Variants in C1orf94 observed in about 807,000 individuals in gnomAD.
C1orf94 encodes the protein chromosome 1 open reading frame 94, also known as uncharacterized protein C1orf94.
Under a neutral mutation model 53.6 loss-of-function variants are expected in C1orf94, and 45 were observed. The ratio of observed to expected loss-of-function variants is 0.84; its 90% confidence interval spans 0.66 to 1.08. The LOEUF (loss-of-function observed/expected upper bound fraction) is 1.08, where lower values mean the gene tolerates loss of function less well. Ranked by LOEUF, C1orf94 falls within the 50% of genes least tolerant of loss-of-function variation. C1orf94 has a pLI of 0.00. For synonymous variants in C1orf94, 304 were observed against 296.1 expected (o/e 1.03, Z -0.27); for missense variants, 762 against 738.9 (o/e 1.03, Z -0.36).
Position 34,189,083 on chromosome 1 carries a change from T to A in C1orf94, c.321-8142T>A, listed in dbSNP as rs113731235. Among the ~76,000 whole-genome samples the A allele has an allele frequency of 5.8e-3, 876 of 152,074 alleles. 11 individuals carry two copies. Among genetic ancestry groups the A allele is most frequent in the African/African-American group, 0.021 (850 of 41,462 alleles). ...TGGTGTGTATGTGTACATGGGTGTGTGCATAGGTGTGCATGTGTATGCATG... is the reference window on the plus strand; with the variant it reads ...TGGTGTGTATGTGTACATGGGTGTGAGCATAGGTGTGCATGTGTATGCATG... On this transcript the variant is annotated intron_variant, in intron 1 of 6. Coordinates refer to ENST00000488417, the MANE Select transcript of C1orf94 (RefSeq NM_001134734.2).
Position 34,197,479 on chromosome 1 carries a change from C to T in C1orf94, c.575C>T (p.Pro192Leu), listed in dbSNP as rs139761914. ...DKLLKQKVAMPVISSRQDCDS... is the reference protein window; with the variant it reads ...DKLLKQKVAMLVISSRQDCDS... ...CTTCTGAAGCAGAAGGTGGCCATGC[C>T]CGTTATCAGCAGCAGGCAGGACTGT... Residue 192 changes from proline (P) to leucine (L), a missense_variant, in exon 2 of 7, where the codon CCC becomes CTC. Coordinates refer to ENST00000488417, the MANE Select transcript of C1orf94 (RefSeq NM_001134734.2). The surrounding 1 kb of genome is among the most constrained non-coding windows in gnomAD (Gnocchi z 4.1). 10 of 1,613,980 alleles carry T rather than the reference C, an allele frequency of 6.2e-6. No individual in the cohort carries two copies. In the African/African-American group the frequency reaches 1.3e-4, roughly 22 times the overall value.
At chr1:34,191,821 C>T (rs34196207) in intron 1 of C1orf94, among the ~76,000 whole-genome samples, 20,982 of 152,194 alleles carry the variant, frequency 0.14, 1,638 homozygotes, top group Middle Eastern at 0.24. Flanking sequence ...GAGCTAACAG[C>T]ATGCTTGCTT....
rs987958823 is a variant in C1orf94 at position 34,177,065 on chromosome 1, G to T, written c.-725G>T. Among the ~76,000 whole-genome samples the T allele has an allele frequency of 6.6e-6, 1 of 152,244 alleles. No homozygotes were observed. The highest frequency in any genetic ancestry group is 1.5e-5 in the Non-Finnish European group (1 of 68,036). On this transcript the variant is annotated 5_prime_UTR_variant, in exon 1 of 7. Coordinates refer to ENST00000488417, the MANE Select transcript of C1orf94 (RefSeq NM_001134734.2). Reference sequence around the variant, plus strand: ...CTTGAGCCGCTGGGCCCTTCCCGGTGCCCGCCTGGCAGCGCGGCGCGGCTG... The same window carrying T: ...CTTGAGCCGCTGGGCCCTTCCCGGTTCCCGCCTGGCAGCGCGGCGCGGCTG...
At chr1:34,203,263 A>G (rs1397738750) in intron 4 of C1orf94, among the ~76,000 whole-genome samples, 1 of 152,036 alleles carries the variant, frequency 6.6e-6, no homozygotes. Flanking sequence ...TCAGCCTCCC[A>G]AGTAGCTGGG....
chr1:34,196,638 G>C (rs187793046), intron 1 of C1orf94, among the ~76,000 whole-genome samples: 3 of 152,184 alleles, frequency 2.0e-5, no homozygotes, highest in Non-Finnish European at 4.4e-5. Context: ...CTAGTAATGA[G>C]AGGAGGAGAC....
At chr1:34,204,444 C>G (rs1159329441) in intron 4 of C1orf94, among the ~76,000 whole-genome samples, 1 of 152,146 alleles carries the variant, frequency 6.6e-6, no homozygotes, top group African/African-American at 2.4e-5. Context: ...AAGAAGGAAG[C>G]TGAAGTGGAC....
At chr1:34,201,890 C>T (rs1347228516) in intron 3 of C1orf94, among the ~76,000 whole-genome samples, 194 bp from the exon 4 acceptor site, 1 of 152,236 alleles carries the variant, frequency 6.6e-6, no homozygotes, top group Admixed American at 6.5e-5. Flanking sequence ...TTCATCCCTT[C>T]CAAACTGGCA....
chr1:34,167,509 A>T (rs1336818253), intron 1 of C1orf94, among the ~76,000 whole-genome samples: 4 of 152,088 alleles, frequency 2.6e-5, no homozygotes, highest in East Asian at 1.9e-4. Context: ...GGGGCTGTGG[A>T]GGGCAGGGCA....
At chr1:34,189,896 G>C (rs1175507574) in intron 1 of C1orf94, among the ~76,000 whole-genome samples, 1 of 152,214 alleles carries the variant, frequency 6.6e-6, no homozygotes, top group East Asian at 1.9e-4. Flanking sequence ...CGTCAGAAAG[G>C]ACAGAGCTGG....
intron 1 of C1orf94, among the ~76,000 whole-genome samples, chr1:34,195,779 GGTGT>G (rs67390104): frequency 0.19 from 27,751 of 145,098 alleles, 2,600 homozygotes; most frequent in Middle Eastern, 0.27. Context: ...TCTGTTCGTG[GGTGT>G]GTGTGTGTGT....
At chr1:34,192,070 T>A (rs1642502344) in intron 1 of C1orf94, among the ~76,000 whole-genome samples, 1 of 152,170 alleles carries the variant, frequency 6.6e-6, no homozygotes, top group Admixed American at 6.5e-5. Context: ...CCCTGAATGA[T>A]TCGCTGTGAT....
chr1:34,212,410 A>C lies in C1orf94; in HGVS notation c.1721+4A>C, dbSNP rs1438084553. 1 of 1,607,186 alleles carries C rather than the reference A, an allele frequency of 6.2e-7. No individual in the cohort carries two copies. Among genetic ancestry groups the C allele is most frequent in the Non-Finnish European group, 8.5e-7 (1 of 1,176,976 alleles). ...ACCTCTTTCCCCAAGGATATGGGTG[A>C]GTCAGCCCACACTGGGAGCCTAAGG... On this transcript the variant is annotated splice_donor_region_variant and intron_variant, in intron 6 of 6. Coordinates refer to ENST00000488417, the MANE Select transcript of C1orf94 (RefSeq NM_001134734.2).
chr1:34,207,250 G>T (rs929132441), intron 4 of C1orf94, among the ~76,000 whole-genome samples: 1 of 144,318 alleles, frequency 6.9e-6, no homozygotes, highest in African/African-American at 2.6e-5. Context: ...TGCCACAGCA[G>T]CAGTTCTGCG....
intron 4 of C1orf94, among the ~76,000 whole-genome samples, chr1:34,203,037 A>G (rs1336780000): frequency 6.6e-6 from 1 of 152,256 alleles, no homozygotes; most frequent in Non-Finnish European, 1.5e-5. Flanking sequence ...ATACTATGCC[A>G]TTTTATATTA....
intron 4 of C1orf94, among the ~76,000 whole-genome samples, chr1:34,205,484 G>A (rs2148620565): frequency 6.6e-6 from 1 of 152,312 alleles, no homozygotes; most frequent in East Asian, 1.9e-4. Flanking sequence ...AGGCTGGTTA[G>A]CTGCTCAGAG....
intron 5 of C1orf94, among the ~76,000 whole-genome samples, chr1:34,211,510 C>CT (rs953468516): frequency 1.3e-5 from 2 of 152,078 alleles, no homozygotes; most frequent in African/African-American, 2.4e-5. Flanking sequence ...ACCCCATTGC[C>CT]TTTTTTTGCC....
Position 34,202,273 on chromosome 1 carries a change from C to T in C1orf94, c.1446+14C>T, listed in dbSNP as rs1187127900. 1.2e-6 allele frequency: 2 copies of T among 1,612,250 alleles called. No homozygotes were observed. Among genetic ancestry groups the T allele is most frequent in the Non-Finnish European group, 1.7e-6 (2 of 1,179,082 alleles). ...TTGCAGTATCAGGTCAGTGAGCTGG[C>T]CTGGCTCTCCTGTGGACATCCACGG... On this transcript the variant is annotated intron_variant, in intron 4 of 6. Transcript: ENST00000488417.
In C1orf94 at chr1:34,177,580, C is replaced by T; in HGVS notation, c.-210C>T. The T allele has an allele frequency of 1.9e-6, 1 of 530,200 alleles. No individual in the cohort carries two copies. Among genetic ancestry groups the T allele is most frequent in the Non-Finnish European group, 3.3e-6 (1 of 300,278 alleles). 32.8% of individuals were successfully genotyped at this position (530,200 alleles called of 1,614,324 possible). ...TTTGTTGACTTTTAAATATTTTCTT[C>T]TAAGGGAGAGGGGGAGGGAGGCAAA... On this transcript the variant is annotated 5_prime_UTR_variant, in exon 1 of 7. Transcript: ENST00000488417.
upstream of C1orf94, among the ~76,000 whole-genome samples, chr1:34,176,897 A>G (rs1192430458): frequency 1.7e-5 from 2 of 114,850 alleles, no homozygotes; most frequent in Non-Finnish European, 3.6e-5. Context: ...CTCCGAACCC[A>G]GGGCGCCCCG....
Sources: allele counts gnomAD v4.1 joint callset (sites outside exome capture counted in the v4.1 genomes callset), GRCh38; gene constraint gnomAD v4.1.1; non-coding constraint Gnocchi (gnomAD v3.1); transcripts MANE v1.5; gene names NCBI Gene and HGNC (gene_info 2026-07-23, HGNC 2026-07-21).